The following TRABD2B variants were observed in gnomAD, a reference collection of about 807,000 sequenced individuals.
The protein encoded by TRABD2B is metalloprotease TIKI2.
TRABD2B carries 14 observed loss-of-function variants against 40.1 expected under a neutral mutation model. The ratio of observed to expected loss-of-function variants is 0.35; its 90% CI spans 0.23 to 0.55. The LOEUF (loss-of-function observed/expected upper bound fraction) is 0.55, where lower values mean the gene tolerates loss of function less well. Ranked by LOEUF, TRABD2B falls within the 20% of genes least tolerant of loss-of-function variation. TRABD2B has a pLI of 0.90. For synonymous variants in TRABD2B, 263 were observed against 277.0 expected (o/e 0.95, Z 0.50); for missense variants, 541 against 648.6 (o/e 0.83, Z 1.80).
intron 2 of TRABD2B, among the ~76,000 whole-genome samples, chr1:47,911,266 G>A (rs1427094215): frequency 1.3e-5 from 2 of 152,186 alleles, no homozygotes; most frequent in African/African-American, 2.4e-5. Context: ...CATTCTGGTG[G>A]TTAAATTCAT....
At chr1:47,986,529 G>A (rs1425185141) in intron 2 of TRABD2B, among the ~76,000 whole-genome samples, 5 of 152,178 alleles carry the variant, frequency 3.3e-5, no homozygotes, top group Admixed American at 6.5e-5. Context: ...AAAGAATGTC[G>A]TAAAATGCCA....
At chr1:47,809,972 A>G (rs1247974384) in intron 2 of TRABD2B, among the ~76,000 whole-genome samples, 1 of 152,230 alleles carries the variant, frequency 6.6e-6, no homozygotes, top group East Asian at 1.9e-4. Flanking sequence ...ATGCTGTTCC[A>G]GGCCCTGGAG....
At chr1:47,787,759 C>T (rs76525618) in intron 4 of TRABD2B, among the ~76,000 whole-genome samples, 2,314 of 151,704 alleles carry the variant, frequency 0.015, 87 homozygotes, top group Admixed American at 0.09. Context: ...TGTTTATGGA[C>T]CTCAGGGTTG....
At chr1:47,988,704 T>C (rs536124569) in intron 2 of TRABD2B, among the ~76,000 whole-genome samples, 1 of 152,244 alleles carries the variant, frequency 6.6e-6, no homozygotes, top group Non-Finnish European at 1.5e-5. Context: ...GCCTAGGCTC[T>C]CCAAAATATG....
intron 2 of TRABD2B, among the ~76,000 whole-genome samples, chr1:47,853,525 A>G (rs565794566): frequency 6.6e-6 from 1 of 152,256 alleles, no homozygotes; most frequent in South Asian, 2.1e-4. Flanking sequence ...ACCTTTCCAC[A>G]TATTTCAGAA....
At chr1:47,909,789 T>G (rs1400176602) in intron 2 of TRABD2B, among the ~76,000 whole-genome samples, 2 of 1,030 alleles carry the variant, frequency 1.9e-3, no homozygotes, top group Admixed American at 6.1e-3. Flanking sequence ...CCCCTCCCCA[T>G]CCCCCCCCCC....
At chr1:47,778,587 C>T in intron 4 of TRABD2B, 43 bp from the exon 5 acceptor site, 1 of 1,449,060 alleles carries the variant, frequency 6.9e-7, no homozygotes, top group South Asian at 1.2e-5. Context: ...CATGCCAGGC[C>T]ACCGGCCACA....
chr1:47,894,594 A>G (rs537269274), intron 2 of TRABD2B, among the ~76,000 whole-genome samples: 24 of 152,268 alleles, frequency 1.6e-4, no homozygotes, highest in African/African-American at 5.5e-4. Flanking sequence ...GGCAGTCAGG[A>G]AGGCTTCTCT....
At position 47,969,128 on chromosome 1, in the gene TRABD2B, G is replaced by A. The variant is rs567193953; in HGVS notation, c.666+24906C>T. Among the ~76,000 whole-genome samples, 17 of 152,324 alleles carry A rather than the reference G, an allele frequency of 1.1e-4. No individual in the cohort carries two copies. In the South Asian group the frequency reaches 2.1e-3, roughly 19 times the overall value. On this transcript the variant is annotated intron_variant, in intron 2 of 6. Transcript: ENST00000606738. Reference sequence around the variant, plus strand: ...TACCATTAGGTCCTCGTTAACATAGGAGCTCTGCTCACCATTCCCAGCCCA... The same window carrying A: ...TACCATTAGGTCCTCGTTAACATAGAAGCTCTGCTCACCATTCCCAGCCCA...
At chr1:47,768,467 T>C (rs1342634016) in intron 6 of TRABD2B, among the ~76,000 whole-genome samples, 1 of 151,754 alleles carries the variant, frequency 6.6e-6, no homozygotes, top group Admixed American at 6.6e-5. Flanking sequence ...CATACCACCC[T>C]CTCCATCACA....
At chr1:47,888,062 A>G (rs548842979) in intron 2 of TRABD2B, among the ~76,000 whole-genome samples, 23 of 152,338 alleles carry the variant, frequency 1.5e-4, no homozygotes, top group Admixed American at 7.2e-4. Context: ...TCTGTTTATT[A>G]TTGAACGGGG....
At chr1:47,807,192 T>C (rs1178721851) in intron 2 of TRABD2B, among the ~76,000 whole-genome samples, 1 of 152,192 alleles carries the variant, frequency 6.6e-6, no homozygotes, top group Non-Finnish European at 1.5e-5. Flanking sequence ...CCCAGCCACA[T>C]GGATTCCTCA....
At chr1:47,986,070 G>A (rs1557696645) in intron 2 of TRABD2B, among the ~76,000 whole-genome samples, 1 of 152,182 alleles carries the variant, frequency 6.6e-6, no homozygotes, top group Non-Finnish European at 1.5e-5. Context: ...ATTTTAACAT[G>A]AAAATAAGTG....
rs140637047 is a variant in TRABD2B at position 47,862,327 on chromosome 1, C to T, written c.667-60708G>A. Among the ~76,000 whole-genome samples the T allele has an allele frequency of 5.4e-3, 820 of 151,986 alleles. 11 individuals are homozygous for T. Among genetic ancestry groups the T allele is most frequent in the African/African-American group, 0.019 (776 of 41,474 alleles). On this transcript the variant is annotated intron_variant, in intron 2 of 6. Transcript: ENST00000606738. ...TTTTCACAGATGACATGATTATCTACGTAGAAAATCTGAAAGAATTGTCAA... is the reference window on the plus strand; with the variant it reads ...TTTTCACAGATGACATGATTATCTATGTAGAAAATCTGAAAGAATTGTCAA...
At chr1:47,869,746 C>T (rs949338580) in intron 2 of TRABD2B, among the ~76,000 whole-genome samples, 1 of 152,186 alleles carries the variant, frequency 6.6e-6, no homozygotes, top group African/African-American at 2.4e-5. Flanking sequence ...CCTTTGAGCA[C>T]AGGAGAGCTG....
rs1644266430 is a variant in TRABD2B at position 47,763,513 on chromosome 1, G to C, written c.*2389C>G. On this transcript the variant is annotated 3_prime_UTR_variant, in exon 7 of 7. Coordinates refer to ENST00000606738, the MANE Select transcript of TRABD2B (RefSeq NM_001194986.2). ...AGCATTGCACTGCTTGTCCCATCTT[G>C]ATAATGAGTTCCTCTGGGCCAAGGA... 6.6e-6 allele frequency: 1 copy of C among 152,200 alleles called. No individual in the cohort carries two copies. Among genetic ancestry groups the C allele is most frequent in the African/African-American group, 2.4e-5 (1 of 41,438 alleles). 9.4% of individuals were successfully genotyped at this position (152,200 alleles called of 1,614,324 possible). A position where few individuals can be genotyped will look rare whatever the true frequency, so the allele number is the denominator to read the frequency against.
intron 2 of TRABD2B, among the ~76,000 whole-genome samples, chr1:47,942,179 C>T (rs1645197206): frequency 6.6e-6 from 1 of 152,182 alleles, no homozygotes; most frequent in South Asian, 2.1e-4. Flanking sequence ...CTTTTGTTCT[C>T]AGACTCCCTG....
At position 47,772,541 on chromosome 1, in the gene TRABD2B, C is replaced by T. The variant is rs762706957; in HGVS notation, c.1349+2629G>A. On this transcript the variant is annotated intron_variant, in intron 6 of 6. Transcript: ENST00000606738. Reference sequence around the variant, plus strand: ...TATGGGAGGGCACTCGGGGCCAGGACGACAGGTGCAAGATGAGCTGGGAGA... The same window carrying T: ...TATGGGAGGGCACTCGGGGCCAGGATGACAGGTGCAAGATGAGCTGGGAGA... 3.3e-5 allele frequency among the ~76,000 whole-genome samples: 5 copies of T among 151,916 alleles called. 1 individual carries two copies. The highest frequency in any genetic ancestry group is 2.0e-4 in the Admixed American group (3 of 15,256).
chr1:47,792,131 A>C (rs544242323), intron 4 of TRABD2B, among the ~76,000 whole-genome samples: 2 of 152,356 alleles, frequency 1.3e-5, no homozygotes, highest in African/African-American at 4.8e-5. Context: ...ACGTGGCTCC[A>C]GATCTGTTGT....
Sources: allele counts gnomAD v4.1 joint callset (sites outside exome capture counted in the v4.1 genomes callset), GRCh38; gene constraint gnomAD v4.1.1; transcripts MANE v1.5; gene names NCBI Gene and HGNC (gene_info 2026-07-23, HGNC 2026-07-21).